TPO: variants seen among roughly 807,000 people sequenced by gnomAD.
TPO encodes the protein thyroid peroxidase, also known as thyroid microsomal antigen.
A neutral mutation model predicts 96.9 loss-of-function variants in TPO; 78 were observed. The ratio of observed to expected loss-of-function variants is 0.81; its 90% CI spans 0.67 to 0.97. TPO has a LOEUF of 0.97. Ranked by LOEUF, TPO falls within the 50% of genes least tolerant of loss-of-function variation. The pLI, the probability that TPO is intolerant of heterozygous loss-of-function variation, is 0.00. For synonymous variants in TPO, 547 were observed against 538.0 expected (o/e 1.02, Z -0.23); for missense variants, 1,252 against 1,274.8 (o/e 0.98, Z 0.27).
intron 15 of TPO, among the ~76,000 whole-genome samples, chr2:1,520,818 C>A (rs1216594312): frequency 6.6e-6 from 1 of 152,302 alleles, no homozygotes; most frequent in Middle Eastern, 3.4e-3. Context: ...TTAGACCTTT[C>A]GCCATGGAGG....
intron 14 of TPO, among the ~76,000 whole-genome samples, chr2:1,508,531 G>A (rs1183392289): frequency 1.3e-5 from 2 of 152,172 alleles, no homozygotes; most frequent in Non-Finnish European, 2.9e-5. Context: ...TTTTTTGGTT[G>A]GTAAGCTATT....
In TPO at chr2:1,522,162, C is replaced by T. The variant is rs567768342; in HGVS notation, c.2618+5180C>T. On this transcript the variant is annotated intron_variant, in intron 15 of 16. Transcript: ENST00000329066. ...GTGCCCTTACAGTCTCTACCCCACA[C>T]TGGCCCTGCTACCATGCCCTGGCAG... 1.5e-4 allele frequency among the ~76,000 whole-genome samples: 22 copies of T among 148,756 alleles called. 2 individuals are homozygous for T. The highest frequency in any genetic ancestry group is 5.0e-4 in the African/African-American group (20 of 40,152).
chr2:1,390,420 A>T (rs1013067888), intron 1 of TPO, among the ~76,000 whole-genome samples: 3 of 152,210 alleles, frequency 2.0e-5, no homozygotes, highest in Admixed American at 6.5e-5. Context: ...AATTGAATCC[A>T]ATCTATCATT....
chr2:1,525,992 C>G (rs1676380495), intron 15 of TPO, among the ~76,000 whole-genome samples: 1 of 126,734 alleles, frequency 7.9e-6, no homozygotes, highest in Non-Finnish European at 1.7e-5. Flanking sequence ...GAGCAACCTC[C>G]CCAAATCCCC....
intron 7 of TPO, among the ~76,000 whole-genome samples, chr2:1,468,158 G>A (rs1417044218): frequency 1.3e-5 from 2 of 151,894 alleles, no homozygotes; most frequent in Non-Finnish European, 2.9e-5. Flanking sequence ...TATCTTTTAG[G>A]TGGAGCATTT....
chr2:1,408,355 C>T (rs1000362164), intron 1 of TPO, among the ~76,000 whole-genome samples: 1 of 152,166 alleles, frequency 6.6e-6, no homozygotes, highest in African/African-American at 2.4e-5. Flanking sequence ...CATGATCTGC[C>T]CTCTGCACTT....
chr2:1,429,038 A>G (rs890283672), intron 3 of TPO, among the ~76,000 whole-genome samples: 7 of 152,204 alleles, frequency 4.6e-5, no homozygotes, highest in African/African-American at 9.7e-5. Flanking sequence ...CAGCCGATAT[A>G]AAACACGTGT....
At chr2:1,412,075 G>C (rs1266662469), upstream of TPO, among the ~76,000 whole-genome samples, 1 of 152,130 alleles carries the variant, frequency 6.6e-6, no homozygotes, top group Non-Finnish European at 1.5e-5. Context: ...TTTTAAGCTG[G>C]ACTTCACCCA....
chr2:1,512,814 C>T (rs1161715694), intron 14 of TPO, among the ~76,000 whole-genome samples: 3 of 152,224 alleles, frequency 2.0e-5, no homozygotes, highest in Non-Finnish European at 4.4e-5. Flanking sequence ...CCCAGAGCAT[C>T]TCAGGAGCTG....
At chr2:1,383,969 T>C (rs1661849614) in intron 1 of TPO, among the ~76,000 whole-genome samples, 1 of 152,242 alleles carries the variant, frequency 6.6e-6, no homozygotes, top group Admixed American at 6.5e-5. Context: ...GTTTGTTAAA[T>C]AGGGAATACT....
chr2:1,526,688 T>TCCC (rs752195827), intron 15 of TPO, among the ~76,000 whole-genome samples: 2 of 14,572 alleles, frequency 1.4e-4, no homozygotes, highest in African/African-American at 2.7e-4. Context: ...CCTCCCCAAA[T>TCCC]CCCCCCCCCA....
In TPO at chr2:1,534,551, C is replaced by G. The variant is rs543748981; in HGVS notation, c.2619-6043C>G. 3.4e-4 allele frequency among the ~76,000 whole-genome samples: 41 copies of G among 122,146 alleles called. 5 individuals are homozygous for G. Among genetic ancestry groups the G allele is most frequent in the Non-Finnish European group, 4.9e-4 (28 of 57,672 alleles). The allele number at this position is 122,146 out of a possible 152,430, so 80.1% of individuals were successfully genotyped here. A position where few individuals can be genotyped will look rare whatever the true frequency, so the allele number is the denominator to read the frequency against. On this transcript the variant is annotated intron_variant, in intron 15 of 16. Coordinates refer to ENST00000329066, the MANE Select transcript of TPO (RefSeq NM_001206744.2). ...CACTCTGTGCAACCTCCCCAAATCC[C>G]TACCACTCTGTGCAACTTCCCCAAA...
intron 16 of TPO, chr2:1,541,377 A>C (rs1447278684): frequency 1.0e-5 from 2 of 200,306 alleles, no homozygotes; most frequent in Non-Finnish European, 9.2e-6. Context: ...TTTTTTTTTG[A>C]GATAGAGTCT....
At chr2:1,402,414 A>T (rs1261450106) in intron 1 of TPO, among the ~76,000 whole-genome samples, 1 of 152,200 alleles carries the variant, frequency 6.6e-6, no homozygotes, top group Non-Finnish European at 1.5e-5. Context: ...GCACAGAGCA[A>T]GCAGGGAGCC....
rs779105399 is a variant in TPO at position 1,453,830 on chromosome 2, A to C, written c.612+7A>C. ...CGGGTTCCCACTGCCCCCGGTGGGT[A>C]CTCAGAACGCTACTATCCTGGACTA... On this transcript the variant is annotated splice_region_variant and intron_variant, in intron 6 of 16. Coordinates refer to ENST00000329066, the MANE Select transcript of TPO (RefSeq NM_001206744.2). 6.2e-7 allele frequency: 1 copy of C among 1,613,612 alleles called. No homozygotes were observed.
At chr2:1,399,641 A>G (rs1012664212) in intron 1 of TPO, among the ~76,000 whole-genome samples, 2 of 152,232 alleles carry the variant, frequency 1.3e-5, no homozygotes, top group Non-Finnish European at 2.9e-5. Flanking sequence ...GCAAATCTGA[A>G]GATCAGAGGC....
intron 15 of TPO, among the ~76,000 whole-genome samples, chr2:1,535,281 A>ATGCAACCTCCTCAAATCCCTGTACTGTG (rs1679347082): frequency 6.1e-5 from 1 of 16,300 alleles, no homozygotes; most frequent in East Asian, 1.9e-3. Flanking sequence ...CCCATACTGT[A>ATGCAACCTCCTCAAATCCCTGTACTGTG]TGCAACCTCC....
Position 1,525,811 on chromosome 2 carries a change from T to C in TPO, c.2618+8829T>C, listed in dbSNP as rs536211568. Among the ~76,000 whole-genome samples, 90 of 138,822 alleles carry C rather than the reference T, an allele frequency of 6.5e-4. 2 individuals carry two copies. The highest frequency in any genetic ancestry group is 2.4e-3 in the African/African-American group (87 of 36,428). The allele number at this position is 138,822 out of a possible 152,430, so 91.1% of individuals were successfully genotyped here. A position where few individuals can be genotyped will look rare whatever the true frequency, so the allele number is the denominator to read the frequency against. On this transcript the variant is annotated intron_variant, in intron 15 of 16. Coordinates refer to ENST00000329066, the MANE Select transcript of TPO (RefSeq NM_001206744.2). ...TGTGCAACCTCACCAAATTTCCCCG[T>C]GTGCAACCTACCCAAATGCCCCCCA...
intron 5 of TPO, among the ~76,000 whole-genome samples, chr2:1,448,298 G>A (rs907113567): frequency 2.6e-5 from 4 of 152,198 alleles, no homozygotes; most frequent in Non-Finnish European, 4.4e-5. Flanking sequence ...GCTCCTGCAT[G>A]CAGCTCCTGC....
Sources: allele counts gnomAD v4.1 joint callset (sites outside exome capture counted in the v4.1 genomes callset), GRCh38; gene constraint gnomAD v4.1.1; transcripts MANE v1.5; gene names NCBI Gene and HGNC (gene_info 2026-07-23, HGNC 2026-07-21).